Variants in ZMAT4 observed in about 807,000 individuals in gnomAD.
ZMAT4 encodes zinc finger matrin-type protein 4.
In ZMAT4, 17 loss-of-function variants were observed where a neutral mutation model predicts 28.7. The observed-to-expected ratio is 0.59, with a 90% CI of 0.41 to 0.89. ZMAT4 has a LOEUF of 0.89. Among genes scored for constraint, ZMAT4 ranks in the 40% least tolerant of loss-of-function variants. The pLI is 0.00. For missense variants in ZMAT4, 240 were observed against 283.8 expected, an observed-to-expected ratio of 0.85 and a Z score of 1.11; for synonymous variants, 117 against 109.2, an observed-to-expected ratio of 1.07 and a Z score of -0.44.
intron 6 of ZMAT4, among the ~76,000 whole-genome samples, chr8:40,579,330 C>A (rs1804374549): frequency 6.6e-6 from 1 of 152,104 alleles, no homozygotes; most frequent in Non-Finnish European, 1.5e-5. Flanking sequence ...TGTCTGTCTG[C>A]ACATCAGATA....
intron 2 of ZMAT4, among the ~76,000 whole-genome samples, chr8:40,801,956 C>T (rs772114722): frequency 1.6e-4 from 24 of 151,912 alleles, no homozygotes; most frequent in Non-Finnish European, 2.5e-4. Context: ...GTTGCATCAA[C>T]GGGCTAAAGA....
intron 5 of ZMAT4, among the ~76,000 whole-genome samples, chr8:40,649,592 A>T (rs544200447): frequency 1.3e-5 from 2 of 152,244 alleles, no homozygotes; most frequent in South Asian, 4.1e-4. Context: ...ACATCTACAG[A>T]ACTCTCCATC....
At chr8:40,783,802 G>A (rs1813944445) in intron 2 of ZMAT4, among the ~76,000 whole-genome samples, 1 of 152,128 alleles carries the variant, frequency 6.6e-6, no homozygotes, top group South Asian at 2.1e-4. Flanking sequence ...CCTGAGGTCA[G>A]GAGTTTGAGA....
intron 1 of ZMAT4, among the ~76,000 whole-genome samples, chr8:40,862,269 A>C (rs1817521714): frequency 6.6e-6 from 1 of 151,810 alleles, no homozygotes; most frequent in African/African-American, 2.4e-5. Flanking sequence ...TGTCCTTTGT[A>C]GGGACATGGA....
chr8:40,631,421 GT>G (rs778846712), intron 5 of ZMAT4, among the ~76,000 whole-genome samples: 2 of 152,160 alleles, frequency 1.3e-5, no homozygotes, highest in Non-Finnish European at 2.9e-5. Context: ...GCCTCCCAAG[GT>G]GCTGGGATTA....
At chr8:40,682,543 T>C (rs942995907) in intron 4 of ZMAT4, among the ~76,000 whole-genome samples, 3 of 152,162 alleles carry the variant, frequency 2.0e-5, no homozygotes, top group African/African-American at 7.2e-5. Flanking sequence ...CCCCATGAGA[T>C]AGAAAAATCC....
intron 1 of ZMAT4, among the ~76,000 whole-genome samples, chr8:40,876,137 T>C (rs989253335): frequency 6.6e-6 from 1 of 152,116 alleles, no homozygotes; most frequent in Non-Finnish European, 1.5e-5. Flanking sequence ...TTTGAACAGG[T>C]TTGAACTGCA....
chr8:40,777,858 T>C (rs1813668175), intron 2 of ZMAT4, among the ~76,000 whole-genome samples: 1 of 152,260 alleles, frequency 6.6e-6, no homozygotes, highest in Non-Finnish European at 1.5e-5. Flanking sequence ...CATTATTCTG[T>C]ATAACATTTT....
At chr8:40,615,182 T>G (rs1412304198) in intron 5 of ZMAT4, among the ~76,000 whole-genome samples, 3 of 151,964 alleles carry the variant, frequency 2.0e-5, no homozygotes, top group Non-Finnish European at 4.4e-5. Context: ...CCTTCACTTA[T>G]GAAGCTTAGT....
chr8:40,788,878 C>A (rs1467389051), intron 2 of ZMAT4, among the ~76,000 whole-genome samples: 3 of 150,688 alleles, frequency 2.0e-5, no homozygotes, highest in Admixed American at 6.6e-5. Context: ...TACATCATGA[C>A]CAAAGGATAT....
intron 5 of ZMAT4, among the ~76,000 whole-genome samples, chr8:40,655,650 C>T (rs141400906): frequency 2.8e-4 from 43 of 151,752 alleles, no homozygotes; most frequent in African/African-American, 9.6e-4. Flanking sequence ...CAGAAATAGA[C>T]CCATACATTT....
At chr8:40,848,188 A>G (rs1368614327) in intron 1 of ZMAT4, among the ~76,000 whole-genome samples, 1 of 152,232 alleles carries the variant, frequency 6.6e-6, no homozygotes, top group South Asian at 2.1e-4. Flanking sequence ...AGGGCTTCCA[A>G]TGGTGGAAAG....
At position 40,791,348 on chromosome 8, in the gene ZMAT4, C is replaced by A. The variant is rs552769443; in HGVS notation, c.103-23618G>T. Among the ~76,000 whole-genome samples, 8 of 152,278 alleles carry A rather than the reference C, an allele frequency of 5.3e-5. No homozygotes were observed. The East Asian group carries it at 1.5e-3, about 29-fold the overall frequency. On this transcript the variant is annotated intron_variant, in intron 2 of 6. Transcript: ENST00000297737. ...TCCTAGGAGCTCCAAAGTACTTAAG[C>A]CTGGGAAATCCCGCTTCCAAAGCAG...
chr8:40,698,539 T>G (rs1176604338), intron 3 of ZMAT4, among the ~76,000 whole-genome samples: 1 of 152,186 alleles, frequency 6.6e-6, no homozygotes, highest in Non-Finnish European at 1.5e-5. Context: ...GCCGCTTCTC[T>G]TATTCCTAGT....
chr8:40,541,370 T>G (rs1803022799), intron 6 of ZMAT4, among the ~76,000 whole-genome samples: 1 of 152,056 alleles, frequency 6.6e-6, no homozygotes, highest in Non-Finnish European at 1.5e-5. Context: ...ATGGTAGAAG[T>G]GGGGGAATGT....
intron 2 of ZMAT4, among the ~76,000 whole-genome samples, chr8:40,777,857 G>T (rs767390061): frequency 3.3e-5 from 5 of 152,192 alleles, no homozygotes; most frequent in African/African-American, 1.2e-4. Flanking sequence ...TCATTATTCT[G>T]TATAACATTT....
intron 2 of ZMAT4, among the ~76,000 whole-genome samples, chr8:40,807,138 CAAAAAAA>C (rs34726845): frequency 1.1e-5 from 1 of 90,272 alleles, no homozygotes; most frequent in Non-Finnish European, 2.1e-5. Context: ...GGGGTGAGGA[CAAAAAAA>C]AAAAAAAAAA....
intron 1 of ZMAT4, among the ~76,000 whole-genome samples, chr8:40,877,688 G>A (rs1293199354): frequency 2.6e-5 from 4 of 151,916 alleles, no homozygotes; most frequent in Non-Finnish European, 5.9e-5. Context: ...ACATATGCGT[G>A]TGTGTGTGTG....
intron 3 of ZMAT4, among the ~76,000 whole-genome samples, chr8:40,728,471 G>A (rs1354896552): frequency 6.6e-6 from 1 of 152,172 alleles, no homozygotes; most frequent in African/African-American, 2.4e-5. Context: ...TGGTATTTCA[G>A]AACATGTGAT....
Sources: gnomAD v4.1 joint callset for allele counts (sites outside exome capture counted in the v4.1 genomes callset) on GRCh38, gnomAD v4.1.1 for gene constraint, MANE v1.5 for transcripts, NCBI Gene and HGNC (gene_info 2026-07-23, HGNC 2026-07-21) for gene names.